The following PLD5 variants were observed in gnomAD, a reference collection of about 807,000 sequenced individuals.
PLD5 encodes inactive phospholipase D5.
In PLD5, 36 loss-of-function variants were observed where a neutral mutation model predicts 61.1. That is an observed-to-expected ratio of 0.59 (90% confidence interval 0.45 to 0.78). PLD5 has a LOEUF of 0.78. Among genes scored for constraint, PLD5 ranks in the 30% least tolerant of loss-of-function variants. The pLI, the probability that PLD5 is intolerant of heterozygous loss-of-function variation, is 0.00. For missense variants in PLD5, 515 were observed against 644.4 expected, an observed-to-expected ratio of 0.80 and a Z score of 2.17; for synonymous variants, 243 against 242.8, an observed-to-expected ratio of 1.00 and a Z score of -0.01.
intron 2 of PLD5, among the ~76,000 whole-genome samples, chr1:242,329,019 A>T (rs1031272333): frequency 5.3e-5 from 8 of 151,480 alleles, no homozygotes; most frequent in East Asian, 2.0e-4. Context: ...TTTATTTATT[A>T]TTTTTTTGAG....
chr1:242,414,526 A>T (rs1664719732), intron 1 of PLD5, among the ~76,000 whole-genome samples: 1 of 152,192 alleles, frequency 6.6e-6, no homozygotes, highest in Admixed American at 6.5e-5. Context: ...TGTATCTCAG[A>T]TCAGTTGAGG....
At chr1:242,436,675 CCTTAAGGG>C (rs1666012159) in intron 1 of PLD5, among the ~76,000 whole-genome samples, 1 of 152,094 alleles carries the variant, frequency 6.6e-6, no homozygotes, top group Admixed American at 6.6e-5. Flanking sequence ...AATACACTCA[CCTTAAGGG>C]GTTAAGGATT....
At chr1:242,516,265 T>C (rs1669100102) in intron 1 of PLD5, among the ~76,000 whole-genome samples, 1 of 121,206 alleles carries the variant, frequency 8.3e-6, no homozygotes, top group Non-Finnish European at 1.8e-5. Context: ...TATATATATA[T>C]ATATATATAT....
chr1:242,391,748 G>A (rs967290778), intron 1 of PLD5, among the ~76,000 whole-genome samples: 1 of 151,538 alleles, frequency 6.6e-6, no homozygotes, highest in Non-Finnish European at 1.5e-5. Context: ...GACATACTCA[G>A]CTCTGTCTTG....
At chr1:242,373,628 G>T (rs558481755) in intron 1 of PLD5, among the ~76,000 whole-genome samples, 1 of 152,086 alleles carries the variant, frequency 6.6e-6, no homozygotes, top group Non-Finnish European at 1.5e-5. Context: ...CCATAAAAAA[G>T]GATGAGTTCG....
chr1:242,195,190 G>T (rs1337880993), intron 5 of PLD5, among the ~76,000 whole-genome samples: 1 of 152,264 alleles, frequency 6.6e-6, no homozygotes, highest in Admixed American at 6.5e-5. Context: ...AGGCAGAAGC[G>T]AGCCGCCGTC....
intron 1 of PLD5, chr1:242,449,256 T>C: frequency 6.9e-7 from 1 of 1,450,034 alleles, no homozygotes; most frequent in Non-Finnish European, 9.4e-7. Flanking sequence ...AAGTGACTGT[T>C]CAGTCTCATG....
At chr1:242,402,382 T>A (rs1304054345) in intron 1 of PLD5, among the ~76,000 whole-genome samples, 1 of 152,184 alleles carries the variant, frequency 6.6e-6, no homozygotes, top group Non-Finnish European at 1.5e-5. Context: ...TTCTTGTGCA[T>A]TATAAAAACA....
chr1:242,190,520 C>G, intron 5 of PLD5, among the ~76,000 whole-genome samples: 1 of 152,142 alleles, frequency 6.6e-6, no homozygotes, highest in Middle Eastern at 3.4e-3. Flanking sequence ...TAGCACAAAG[C>G]AGAGTCCTCC....
chr1:242,148,100 A>G (rs1185404266), intron 5 of PLD5, among the ~76,000 whole-genome samples: 3 of 152,190 alleles, frequency 2.0e-5, no homozygotes, highest in African/African-American at 7.2e-5. Flanking sequence ...TGCCTAAGCC[A>G]TGATCACAAA....
chr1:242,283,480 G>GA (rs1441503712), intron 3 of PLD5, among the ~76,000 whole-genome samples: 2 of 152,082 alleles, frequency 1.3e-5, no homozygotes, highest in Non-Finnish European at 1.5e-5. Context: ...TTCCATTTAG[G>GA]ACTTTTCTGG....
intron 1 of PLD5, among the ~76,000 whole-genome samples, chr1:242,401,289 C>G (rs888341125): frequency 1.3e-5 from 2 of 152,132 alleles, no homozygotes; most frequent in African/African-American, 4.8e-5. Flanking sequence ...GCAGGCTCAG[C>G]CAAGCCCACC....
At chr1:242,234,095 G>A (rs1249738112) in intron 4 of PLD5, among the ~76,000 whole-genome samples, 1 of 152,018 alleles carries the variant, frequency 6.6e-6, no homozygotes, top group Non-Finnish European at 1.5e-5. Flanking sequence ...TCCTTCCTTT[G>A]AGAACCAATA....
intron 9 of PLD5, among the ~76,000 whole-genome samples, chr1:242,092,128 T>G (rs933335757): frequency 6.6e-6 from 1 of 151,986 alleles, no homozygotes; most frequent in Non-Finnish European, 1.5e-5. Flanking sequence ...GTGCCGGGCC[T>G]GATTTATTTA....
intron 1 of PLD5, among the ~76,000 whole-genome samples, chr1:242,443,653 A>G (rs1434228250): frequency 6.6e-6 from 1 of 152,170 alleles, no homozygotes; most frequent in Non-Finnish European, 1.5e-5. Context: ...GTGAACGTAA[A>G]CTGTATCATA....
chr1:242,450,883 C>T (rs1558577380), intron 1 of PLD5, among the ~76,000 whole-genome samples: 1 of 152,178 alleles, frequency 6.6e-6, no homozygotes, highest in Admixed American at 6.5e-5. Flanking sequence ...AGGTTCTAGA[C>T]ACCCCTTTAA....
intron 1 of PLD5, among the ~76,000 whole-genome samples, chr1:242,492,592 C>A (rs1169705754): frequency 5.3e-5 from 8 of 151,160 alleles, no homozygotes; most frequent in African/African-American, 1.9e-4. Context: ...CAAACTATAA[C>A]AATGCCATGT....
In PLD5 at chr1:242,087,808, T is replaced by C. The variant is rs1659542478; in HGVS notation, c.*2046A>G. The C allele has an allele frequency of 6.6e-6, 1 of 152,224 alleles. No homozygotes were observed. The highest frequency in any genetic ancestry group is 1.5e-5 in the Non-Finnish European group (1 of 68,034). 9.4% of individuals were successfully genotyped at this position (152,224 alleles called of 1,614,324 possible). A position where few individuals can be genotyped will look rare whatever the true frequency, so the allele number is the denominator to read the frequency against. On this transcript the variant is annotated 3_prime_UTR_variant, in exon 10 of 10. Coordinates refer to ENST00000536534, the MANE Select transcript of PLD5 (RefSeq NM_001372062.1). ...TTTATTGGGATAACTGGCAGAGTTA[T>C]AACTCCCAACTCAAATATGGATTGT...
At chr1:242,259,045 C>T (rs1485397416) in intron 4 of PLD5, among the ~76,000 whole-genome samples, 1 of 152,114 alleles carries the variant, frequency 6.6e-6, no homozygotes, top group African/African-American at 2.4e-5. Context: ...AGTCAAGAAG[C>T]AATTGTTGGA....
Sources: allele counts gnomAD v4.1 joint callset (sites outside exome capture counted in the v4.1 genomes callset), GRCh38; gene constraint gnomAD v4.1.1; transcripts MANE v1.5; gene names NCBI Gene and HGNC (gene_info 2026-07-23, HGNC 2026-07-21).